The following WDR17 variants were observed in gnomAD, a reference collection of about 807,000 sequenced individuals.
WDR17 encodes WD repeat-containing protein 17.
WDR17 carries 143 observed loss-of-function variants against 161.7 expected under a neutral mutation model. The ratio of observed to expected loss-of-function variants is 0.88; its 90% CI spans 0.77 to 1.02. The LOEUF is 1.02. Among genes scored for constraint, WDR17 ranks in the 50% least tolerant of loss-of-function variants. WDR17 has a pLI of 0.00. For synonymous variants in WDR17, 517 were observed against 515.6 expected (o/e 1.00, Z -0.04); for missense variants, 1,469 against 1,520.9 (o/e 0.97, Z 0.57).
intron 18 of WDR17, among the ~76,000 whole-genome samples, chr4:176,159,173 T>A (rs1428876672): frequency 1.3e-5 from 2 of 152,122 alleles, no homozygotes; most frequent in Non-Finnish European, 2.9e-5. Flanking sequence ...GACCAGGTTA[T>A]TTTTAAACAA....
At position 176,158,807 on chromosome 4, in the gene WDR17, A is replaced by G. The variant is rs760544717; in HGVS notation, c.2526-1187A>G. Among the ~76,000 whole-genome samples the G allele has an allele frequency of 3.0e-4, 46 of 152,316 alleles. 2 individuals are homozygous for G. The Middle Eastern group carries it at 0.017, about 56-fold the overall frequency. ...TCCTGATTTTCTCTGCCTCTTAGCC[A>G]TGTAGCTGCCAGAAAGTGGTCTCTC... is the stretch of plus-strand genomic sequence containing the variant. On this transcript the variant is annotated intron_variant, in intron 18 of 28. Transcript: ENST00000508596.
At chr4:176,163,407 A>T (rs1408166443) in intron 22 of WDR17, 114 bp downstream of exon 22, 3 of 1,169,472 alleles carry the variant, frequency 2.6e-6, no homozygotes, top group Non-Finnish European at 3.5e-6. Flanking sequence ...CACCTTGTTT[A>T]TAAAGGATAA....
chr4:176,151,791 C>G, intron 16 of WDR17, 21 bp from the exon 17 acceptor site: 1 of 1,538,748 alleles, frequency 6.5e-7, no homozygotes, highest in Non-Finnish European at 8.7e-7. Flanking sequence ...TTTTTAAATT[C>G]TATTTTCTTT....
chr4:176,127,599 T>C (rs1303801960), intron 5 of WDR17, among the ~76,000 whole-genome samples: 2 of 152,088 alleles, frequency 1.3e-5, no homozygotes, highest in South Asian at 2.1e-4. Context: ...CCCAGCCCAA[T>C]AGGCACGGAA....
rs185400696 is a variant in WDR17, at chr4:176,092,389, G to T, written c.-6-19186G>T. 5.8e-4 allele frequency among the ~76,000 whole-genome samples: 83 copies of T among 143,210 alleles called. 1 individual carries two copies. Among genetic ancestry groups the T allele is most frequent in the African/African-American group, 2.0e-3 (81 of 40,660 alleles). The allele number at this position is 143,210 out of a possible 152,430, so 94.0% of individuals were successfully genotyped here. On this transcript the variant is annotated intron_variant, in intron 1 of 28. Transcript: ENST00000508596. The stretch of plus-strand genomic sequence containing the variant: ...GCTGAAAAAGCATTTAGAAAATTCA[G>T]CATTCCTTCATGATAAAAACCTTCA...
At chr4:176,132,075 C>T (rs1743554245) in intron 7 of WDR17, among the ~76,000 whole-genome samples, 1 of 151,956 alleles carries the variant, frequency 6.6e-6, no homozygotes, top group African/African-American at 2.4e-5. Flanking sequence ...TTGCTCAAAG[C>T]CTTATTGTTC....
chr4:176,147,888 G>T (rs550685479), intron 12 of WDR17, among the ~76,000 whole-genome samples: 1 of 152,196 alleles, frequency 6.6e-6, no homozygotes, highest in South Asian at 2.1e-4. Flanking sequence ...AGAAAAGTAT[G>T]TGAGGGGATG....
intron 15 of WDR17, 25 bp downstream of exon 15, chr4:176,150,198 G>T: frequency 6.2e-7 from 1 of 1,606,220 alleles, no homozygotes; most frequent in Non-Finnish European, 8.5e-7. Flanking sequence ...AATTAAATGC[G>T]AATATTTTCC....
Position 176,168,653 on chromosome 4 carries a change from C to A in WDR17, c.2991-19C>A. ...AAATCTTCTCCTCAATGAAGTGTCC[C>A]CTTTTGTTACGTTAACAGGAATTTG... On this transcript the variant is annotated intron_variant, in intron 22 of 28. Coordinates refer to ENST00000508596, the MANE Select transcript of WDR17 (RefSeq NM_181265.4). 2 of 1,612,820 alleles carry A rather than the reference C, an allele frequency of 1.2e-6. No homozygotes were observed. Among genetic ancestry groups the A allele is most frequent in the Middle Eastern group, 1.7e-4 (1 of 6,056 alleles).
intron 7 of WDR17, among the ~76,000 whole-genome samples, chr4:176,133,398 A>T (rs1255931223): frequency 7.4e-6 from 1 of 134,542 alleles, no homozygotes; most frequent in African/African-American, 2.8e-5. Flanking sequence ...AAAAAAAAAA[A>T]AAAAAAGTTG....
In WDR17 at chr4:176,176,255, CTA is replaced by C. The variant is rs571417965; in HGVS notation, c.3450-802_3450-801del. On this transcript the variant is annotated intron_variant, in intron 26 of 28. Transcript: ENST00000508596. Reference sequence around the variant, plus strand: ...GCAGGAGAGACTTGAGAGAATGTGACTAAGTTTAGGGAATGTGTTAGCTTAGA... The same window carrying C: ...GCAGGAGAGACTTGAGAGAATGTGACAGTTTAGGGAATGTGTTAGCTTAGA... Among the ~76,000 whole-genome samples, 17 of 152,224 alleles carry C rather than the reference CTA, an allele frequency of 1.1e-4. 1 individual carries two copies. The South Asian group carries it at 3.5e-3, about 32-fold the overall frequency.
At chr4:176,168,924 G>A in intron 23 of WDR17, 141 bp downstream of exon 23, 2 of 858,984 alleles carry the variant, frequency 2.3e-6, no homozygotes, top group Non-Finnish European at 3.4e-6. Flanking sequence ...CAAAAGTGTT[G>A]TACAATAGGA....
At chr4:176,154,998 T>A (rs985192344) in intron 17 of WDR17, among the ~76,000 whole-genome samples, 2 of 152,104 alleles carry the variant, frequency 1.3e-5, no homozygotes, top group African/African-American at 4.8e-5. Flanking sequence ...TATTATATTA[T>A]CAGTTAAATG....
chr4:176,097,740 CAT>C lies in WDR17; in HGVS notation c.-6-13833_-6-13832del, dbSNP rs1352608940. Among the ~76,000 whole-genome samples, 867 of 105,492 alleles carry C rather than the reference CAT, an allele frequency of 8.2e-3. 9 individuals carry two copies. The highest frequency in any genetic ancestry group is 0.027 in the African/African-American group (762 of 28,740). The allele number at this position is 105,492 out of a possible 152,430, so 69.2% of individuals were successfully genotyped here. A position where few individuals can be genotyped will look rare whatever the true frequency, so the allele number is the denominator to read the frequency against. ...CCACTTACACACACACACACACACA[CAT>C]ACACACACACACACACACACACACA... On this transcript the variant is annotated intron_variant, in intron 1 of 28. Coordinates refer to ENST00000508596, the MANE Select transcript of WDR17 (RefSeq NM_181265.4).
intron 18 of WDR17, among the ~76,000 whole-genome samples, chr4:176,157,031 G>A (rs1053022106): frequency 2.0e-5 from 3 of 151,924 alleles, no homozygotes; most frequent in East Asian, 1.9e-4. Flanking sequence ...TAATTACATC[G>A]GCTAAGACCC....
intron 22 of WDR17, among the ~76,000 whole-genome samples, chr4:176,165,002 A>G (rs1169087006): frequency 6.8e-6 from 1 of 147,530 alleles, no homozygotes; most frequent in African/African-American, 2.5e-5. Flanking sequence ...ATCAGATGAA[A>G]GGGGATTTGT....
chr4:176,133,121 ATC>A (rs916411292), intron 7 of WDR17, among the ~76,000 whole-genome samples: 1 of 151,118 alleles, frequency 6.6e-6, no homozygotes, highest in African/African-American at 2.4e-5. Flanking sequence ...ACTAACATGA[ATC>A]ACACATGCCC....
At chr4:176,090,466 C>T (rs188759774) in intron 1 of WDR17, among the ~76,000 whole-genome samples, 3 of 152,086 alleles carry the variant, frequency 2.0e-5, no homozygotes, top group Non-Finnish European at 4.4e-5. Flanking sequence ...TTATAAATTA[C>T]CCAGCCTTAT....
At position 176,163,150 on chromosome 4, in the gene WDR17, C is replaced by G; in HGVS notation, c.2851-4C>G. On this transcript the variant is annotated splice_polypyrimidine_tract_variant and splice_region_variant and intron_variant, in intron 21 of 28. Transcript: ENST00000508596. ...CTGAAGAAATTATTTTCTTATTGAG[C>G]AAGCTTGCTATGGCATACCTGATTC... The G allele has an allele frequency of 6.2e-7, 1 of 1,614,034 alleles. No individual in the cohort carries two copies. The highest frequency in any genetic ancestry group is 1.1e-5 in the South Asian group (1 of 91,074).
Sources: gnomAD v4.1 joint callset for allele counts (sites outside exome capture counted in the v4.1 genomes callset) on GRCh38, gnomAD v4.1.1 for gene constraint, MANE v1.5 for transcripts, NCBI Gene and HGNC (gene_info 2026-07-23, HGNC 2026-07-21) for gene names.